The following SCD variants were observed in gnomAD, a reference collection of about 807,000 sequenced individuals.
SCD encodes acyl-CoA desaturase.
A neutral mutation model predicts 35.7 loss-of-function variants in SCD; 4 were observed. That is an observed-to-expected ratio of 0.11 (90% CI 0.06 to 0.26). The LOEUF is 0.26. Among genes scored for constraint, SCD ranks in the 10% least tolerant of loss-of-function variants. The pLI, the probability that SCD is intolerant of heterozygous loss-of-function variation, is 1.00. For synonymous variants in SCD, 150 were observed against 170.2 expected (o/e 0.88, Z 0.92); for missense variants, 282 against 460.7 (o/e 0.61, Z 3.55).
intron 5 of SCD, among the ~76,000 whole-genome samples, chr10:100,358,122 C>T (rs1276166126): frequency 6.6e-6 from 1 of 152,122 alleles, no homozygotes; most frequent in Non-Finnish European, 1.5e-5. Context: ...GGTTCAGCCT[C>T]CCAAGTAACT....
intron 2 of SCD, among the ~76,000 whole-genome samples, chr10:100,349,220 C>A (rs1849845591): frequency 6.6e-6 from 1 of 152,260 alleles, no homozygotes; most frequent in South Asian, 2.1e-4. Context: ...TTGTCCCCGA[C>A]CTGCCCTTAG....
At chr10:100,348,431 G>A in intron 2 of SCD, 85 bp downstream of exon 2, 1 of 1,321,846 alleles carries the variant, frequency 7.6e-7, no homozygotes, top group Non-Finnish European at 1.0e-6. Context: ...GAGGACACCA[G>A]CCCCTCCCAG....
At chr10:100,355,825 T>TC in intron 4 of SCD, among the ~76,000 whole-genome samples, 1 of 152,168 alleles carries the variant, frequency 6.6e-6, no homozygotes, top group South Asian at 2.1e-4. Context: ...AGAAAGGGCT[T>TC]CCTGAGGGAC....
chr10:100,352,525 G>C lies in SCD; in HGVS notation c.441+29G>C. On this transcript the variant is annotated intron_variant, in intron 3 of 5. Coordinates refer to ENST00000370355, the MANE Select transcript of SCD (RefSeq NM_005063.5). This position sits in a 1 kb window ranked among gnomAD's most constrained non-coding sequence, Gnocchi z 4.2. ...AGAAGTTGTCTCTGCTCAGCTGTTT[G>C]TCCTCCACACTATTAATGATCCGGG... The C allele has an allele frequency of 6.2e-7, 1 of 1,608,516 alleles. No individual in the cohort carries two copies. Among genetic ancestry groups the C allele is most frequent in the Non-Finnish European group, 8.5e-7 (1 of 1,177,810 alleles).
In SCD at chr10:100,356,386, CA is replaced by C; in HGVS notation, c.648-141del. The C allele has an allele frequency of 1.4e-6, 1 of 693,754 alleles. No homozygotes were observed. The highest frequency in any genetic ancestry group is 2.5e-6 in the Non-Finnish European group (1 of 403,786). The allele number at this position is 693,754 out of a possible 1,614,324, so 43.0% of individuals were successfully genotyped here. ...GTGAGACCCTGTCAAAAAAAACAAACAAAAATAAATAAAACAATGAACTTAG... is the reference window on the plus strand; with the variant it reads ...GTGAGACCCTGTCAAAAAAAACAAACAAAATAAATAAAACAATGAACTTAG... On this transcript the variant is annotated intron_variant, in intron 4 of 5. Transcript: ENST00000370355. This position sits in a 1 kb window ranked among gnomAD's most constrained non-coding sequence, Gnocchi z 4.1.
intron 5 of SCD, among the ~76,000 whole-genome samples, chr10:100,359,619 CAG>C (rs1231365773): frequency 6.6e-6 from 1 of 152,298 alleles, no homozygotes; most frequent in Non-Finnish European, 1.5e-5. Context: ...TCAGGTGTCA[CAG>C]AGAGAGGACA....
intron 1 of SCD, 49 bp from the exon 2 acceptor site, chr10:100,348,012 AGCT>A: frequency 6.4e-7 from 1 of 1,569,118 alleles, no homozygotes; most frequent in Non-Finnish European, 8.7e-7. Context: ...GAGTGGCCCC[AGCT>A]GCCTCCACGT....
Position 100,347,246 on chromosome 10 carries a change from C to G in SCD, c.-259C>G. 1.8e-6 allele frequency: 1 copy of G among 553,892 alleles called. No homozygotes were observed. Among genetic ancestry groups the G allele is most frequent in the African/African-American group, 2.0e-5 (1 of 50,870 alleles). The allele number at this position is 553,892 out of a possible 1,614,324, so 34.3% of individuals were successfully genotyped here. On this transcript the variant is annotated 5_prime_UTR_variant, in exon 1 of 6. Transcript: ENST00000370355. ...ACCGCCCGCGCCAGTCAACTCCTCGCACTTTGCCCCTGCTTGGCAGCGGAT... is the reference window on the plus strand; with the variant it reads ...ACCGCCCGCGCCAGTCAACTCCTCGGACTTTGCCCCTGCTTGGCAGCGGAT...
At chr10:100,351,311 G>A (rs977315423) in intron 2 of SCD, among the ~76,000 whole-genome samples, 2 of 150,902 alleles carry the variant, frequency 1.3e-5, no homozygotes, top group Non-Finnish European at 2.9e-5. Context: ...TTCACTGACA[G>A]CTTGAAGAAT....
intron 2 of SCD, among the ~76,000 whole-genome samples, chr10:100,351,596 T>A (rs1337909196): frequency 6.6e-6 from 1 of 152,180 alleles, no homozygotes; most frequent in African/African-American, 2.4e-5. Context: ...AAGAGTCCCC[T>A]ACAACTAAGG....
rs1389411055 is a variant in SCD, at chr10:100,358,662, A to C, written c.880+1898A>C. On this transcript the variant is annotated intron_variant, in intron 5 of 5. Coordinates refer to ENST00000370355, the MANE Select transcript of SCD (RefSeq NM_005063.5). The stretch of plus-strand genomic sequence containing the variant: ...GGTGGCTCACACCTGTAATCCCAGC[A>C]CTTTGGGAAGCCAAAGTGGGTGGTT... 2.7e-5 allele frequency among the ~76,000 whole-genome samples: 4 copies of C among 149,230 alleles called. No homozygotes were observed. The South Asian group carries it at 6.3e-4, about 24-fold the overall frequency.
intron 3 of SCD, among the ~76,000 whole-genome samples, chr10:100,353,914 G>T (rs1445344628): frequency 6.6e-6 from 1 of 152,248 alleles, no homozygotes. Context: ...TGAAAATGCA[G>T]TCATGATCAC....
At chr10:100,354,706 A>T (rs3071) in intron 4 of SCD, 74 bp downstream of exon 4, 23 of 1,151,502 alleles carry the variant, frequency 2.0e-5, no homozygotes, top group Non-Finnish European at 3.0e-5. Context: ...TTTTCTCCTG[A>T]GACTTTCAAA....
Position 100,354,738 on chromosome 10 carries a change from G to C in SCD, c.647+106G>C. The C allele has an allele frequency of 5.8e-6, 5 of 856,650 alleles. No individual in the cohort carries two copies. The South Asian group carries it at 8.0e-5, about 14-fold the overall frequency. The allele number at this position is 856,650 out of a possible 1,614,324, so 53.1% of individuals were successfully genotyped here. ...CAAAATATAAGCTGAGAAATTTGCT[G>C]GGTTTGCATGTTCACAATCTTAATT... On this transcript the variant is annotated intron_variant, in intron 4 of 5. Transcript: ENST00000370355.
At chr10:100,348,401 T>C (rs1157898107) in intron 2 of SCD, 55 bp downstream of exon 2, 1 of 1,543,234 alleles carries the variant, frequency 6.5e-7, no homozygotes, top group African/African-American at 1.4e-5. Context: ...ACTGCTCTTT[T>C]AATAAGGTAG....
At position 100,363,681 on chromosome 10, in the gene SCD, G is replaced by A. The variant is rs570462548; in HGVS notation, c.*2748G>A. 1 of 152,680 alleles carries A rather than the reference G, an allele frequency of 6.5e-6. No individual in the cohort carries two copies. The highest frequency in any genetic ancestry group is 1.9e-4 in the East Asian group (1 of 5,190). 9.5% of individuals were successfully genotyped at this position (152,680 alleles called of 1,614,324 possible). Reference sequence around the variant, plus strand: ...TACATAAGGCTGGATGGCACCTCAGGCTGAGGGCCCCAATGTATGTGTGGC... The same window carrying A: ...TACATAAGGCTGGATGGCACCTCAGACTGAGGGCCCCAATGTATGTGTGGC... On this transcript the variant is annotated 3_prime_UTR_variant, in exon 6 of 6. Coordinates refer to ENST00000370355, the MANE Select transcript of SCD (RefSeq NM_005063.5).
intron 4 of SCD, among the ~76,000 whole-genome samples, chr10:100,355,390 G>A (rs1564626013): frequency 6.6e-6 from 1 of 152,164 alleles, no homozygotes; most frequent in Non-Finnish European, 1.5e-5. Flanking sequence ...AACAGAATGA[G>A]CTAAAACACG....
intron 5 of SCD, among the ~76,000 whole-genome samples, chr10:100,359,805 T>A (rs1428496703): frequency 6.6e-6 from 1 of 152,228 alleles, no homozygotes; most frequent in Non-Finnish European, 1.5e-5. Context: ...TATTTTTGGC[T>A]GTGGTTCAGA....
intron 1 of SCD, 146 bp from the exon 2 acceptor site, chr10:100,347,918 T>C: frequency 1.2e-6 from 1 of 829,874 alleles, no homozygotes; most frequent in South Asian, 1.7e-5. Context: ...CCGTTGCGTC[T>C]CGGATACACC....
Sources: gnomAD v4.1 joint callset for allele counts (sites outside exome capture counted in the v4.1 genomes callset) on GRCh38, gnomAD v4.1.1 for gene constraint, Gnocchi (gnomAD v3.1) non-coding constraint, MANE v1.5 for transcripts, NCBI Gene and HGNC (gene_info 2026-07-23, HGNC 2026-07-21) for gene names.